Variants in YWHAE observed in about 807,000 individuals in gnomAD.
YWHAE encodes the protein 14-3-3 protein epsilon.
In YWHAE, 4 loss-of-function variants were observed where a neutral mutation model predicts 30.1. The observed-to-expected ratio is 0.13, with a 90% CI of 0.07 to 0.30. The LOEUF is 0.30. Among genes scored for constraint, YWHAE ranks in the 10% least tolerant of loss-of-function variants. The pLI, the probability that YWHAE is intolerant of heterozygous loss-of-function variation, is 1.00. For synonymous variants in YWHAE, 118 were observed against 111.8 expected (o/e 1.06, Z -0.35); for missense variants, 121 against 315.9 (o/e 0.38, Z 4.68).
In YWHAE at chr17:1,393,203, A is replaced by C. The variant is rs991389895; in HGVS notation, c.64+6844T>G. On this transcript the variant is annotated intron_variant, in intron 1 of 5. Transcript: ENST00000264335. ...TAAAAACATACAAACAAACAAAAAA[A>C]ACAGCTACTTAAGAGGCTGAGGTGG... Among the ~76,000 whole-genome samples the C allele has an allele frequency of 5.6e-4, 85 of 151,516 alleles. 2 individuals are homozygous for C. The highest frequency in any genetic ancestry group is 6.8e-3 in the Middle Eastern group (2 of 294).
Position 1,345,516 on chromosome 17 carries a change from A to C in YWHAE, c.716-17T>G, listed in dbSNP as rs202178652. ...GCTCTTCACCTGTTAAAAAAGAAAA[A>C]AAGTCAATTATTTCGTATTGACTAC... On this transcript the variant is annotated splice_polypyrimidine_tract_variant and intron_variant, in intron 5 of 5. Coordinates refer to ENST00000264335, the MANE Select transcript of YWHAE (RefSeq NM_006761.5). 1 of 1,613,120 alleles carries C rather than the reference A, an allele frequency of 6.2e-7. No individual in the cohort carries two copies. The highest frequency in any genetic ancestry group is 2.2e-5 in the East Asian group (1 of 44,888).
chr17:1,365,679 G>A (rs540153308), intron 1 of YWHAE, among the ~76,000 whole-genome samples: 4 of 152,286 alleles, frequency 2.6e-5, no homozygotes, highest in East Asian at 1.9e-4. Flanking sequence ...ACACAACGGC[G>A]TGTGAATGCA....
intron 1 of YWHAE, among the ~76,000 whole-genome samples, chr17:1,376,328 G>A (rs2073121049): frequency 6.6e-6 from 1 of 151,942 alleles, no homozygotes; most frequent in South Asian, 2.1e-4. Flanking sequence ...GAGAAAGAAC[G>A]AAGACAGAAA....
intron 1 of YWHAE, among the ~76,000 whole-genome samples, chr17:1,393,490 G>C (rs966438629): frequency 1.3e-5 from 2 of 152,156 alleles, no homozygotes; most frequent in African/African-American, 4.8e-5. Flanking sequence ...GAGTGCAATG[G>C]TGCGATGTGG....
At chr17:1,383,946 C>T (rs1567980056) in intron 1 of YWHAE, among the ~76,000 whole-genome samples, 1 of 152,004 alleles carries the variant, frequency 6.6e-6, no homozygotes, top group Admixed American at 6.6e-5. Context: ...TGGCTCACGC[C>T]TGTAATTCAA....
intron 1 of YWHAE, among the ~76,000 whole-genome samples, chr17:1,393,102 C>G (rs565968129): frequency 8.2e-4 from 124 of 151,374 alleles, no homozygotes; most frequent in African/African-American, 2.7e-3. Flanking sequence ...AGCACTCCAG[C>G]CTGGGTGACA....
intron 2 of YWHAE, among the ~76,000 whole-genome samples, chr17:1,363,039 T>C (rs867612123): frequency 1.3e-5 from 2 of 152,150 alleles, no homozygotes; most frequent in East Asian, 3.9e-4. Context: ...ACCCACCCAA[T>C]ACCTGAGATC....
intron 5 of YWHAE, among the ~76,000 whole-genome samples, chr17:1,348,893 G>GAAA (rs780774655): frequency 2.9e-4 from 44 of 151,794 alleles, no homozygotes; most frequent in Non-Finnish European, 4.7e-4. Context: ...GGGCATGGTG[G>GAAA]CGGGCACCTG....
At chr17:1,367,274 G>A (rs2072959942) in intron 1 of YWHAE, among the ~76,000 whole-genome samples, 1 of 152,114 alleles carries the variant, frequency 6.6e-6, no homozygotes, top group African/African-American at 2.4e-5. Flanking sequence ...GCACACTGAT[G>A]TTCACATATG....
intron 1 of YWHAE, among the ~76,000 whole-genome samples, chr17:1,381,933 A>AAAAAG (rs1491485583): frequency 3.5e-4 from 51 of 144,196 alleles, no homozygotes; most frequent in Non-Finnish European, 4.4e-4. Context: ...AAAAAAAAAA[A>AAAAAG]GACAGGCAGA....
chr17:1,373,371 T>A (rs1016570077), intron 1 of YWHAE, among the ~76,000 whole-genome samples: 8 of 151,076 alleles, frequency 5.3e-5, no homozygotes, highest in Non-Finnish European at 1.2e-4. Flanking sequence ...TAACATGTAA[T>A]GAAAAGTTTG....
chr17:1,351,948 C>G (rs942805640), intron 5 of YWHAE: 1 of 94,786 alleles, frequency 1.1e-5, no homozygotes, highest in Admixed American at 1.3e-4. Flanking sequence ...CCACTGCACC[C>G]GGCATTTTTT....
intron 1 of YWHAE, among the ~76,000 whole-genome samples, chr17:1,382,270 G>C (rs955246097): frequency 2.7e-5 from 4 of 148,150 alleles, no homozygotes; most frequent in Non-Finnish European, 4.5e-5. Flanking sequence ...GGATGGTCTC[G>C]ATCTCCTGAC....
At chr17:1,375,559 T>C (rs892864096) in intron 1 of YWHAE, among the ~76,000 whole-genome samples, 12 of 152,202 alleles carry the variant, frequency 7.9e-5, no homozygotes, top group African/African-American at 2.9e-4. Context: ...TACAGTAATT[T>C]TGAGTAACAA....
In YWHAE at chr17:1,364,990, G is replaced by A. The variant is rs752067199; in HGVS notation, c.133C>T (p.Leu45=). Residue 45 remains leucine (L), a synonymous_variant, in exon 2 of 6, where the codon CTA becomes TTA. Coordinates refer to ENST00000264335, the MANE Select transcript of YWHAE (RefSeq NM_006761.5). ...VELTVEERNL[L]SVAYKNVIGA... ...ATCACATTCTTATATGCAACAGATA[G>A]GAGGTTTCTTTCTTCAACTGTCAGC... is the stretch of plus-strand genomic sequence containing the variant. 6.2e-7 allele frequency: 1 copy of A among 1,614,092 alleles called. No homozygotes were observed. Among genetic ancestry groups the A allele is most frequent in the Non-Finnish European group, 8.5e-7 (1 of 1,180,010 alleles).
chr17:1,368,114 C>T (rs919854293), intron 1 of YWHAE, among the ~76,000 whole-genome samples: 2 of 152,000 alleles, frequency 1.3e-5, no homozygotes, highest in Middle Eastern at 6.3e-3. Flanking sequence ...AGGCCAGGCA[C>T]GGTGACTCAC....
chr17:1,388,088 C>G (rs2073328160), intron 1 of YWHAE, among the ~76,000 whole-genome samples: 1 of 142,454 alleles, frequency 7.0e-6, no homozygotes, highest in Non-Finnish European at 1.5e-5. Flanking sequence ...ACCACCACGC[C>G]TGGGTAATTT....
chr17:1,389,008 C>G (rs1217077858), intron 1 of YWHAE, among the ~76,000 whole-genome samples: 1 of 152,156 alleles, frequency 6.6e-6, no homozygotes, highest in African/African-American at 2.4e-5. Context: ...CTATGTCACC[C>G]AGGTGGGAGT....
At chr17:1,373,420 C>T (rs117929796) in intron 1 of YWHAE, among the ~76,000 whole-genome samples, 1,876 of 152,142 alleles carry the variant, frequency 0.012, 28 homozygotes, top group East Asian at 0.052. Context: ...AATCCCAGCG[C>T]TTTGGGAGGC....
Sources: gnomAD v4.1 joint callset for allele counts (sites outside exome capture counted in the v4.1 genomes callset) on GRCh38, gnomAD v4.1.1 for gene constraint, MANE v1.5 for transcripts, NCBI Gene and HGNC (gene_info 2026-07-23, HGNC 2026-07-21) for gene names.